HPS4: variants seen among roughly 807,000 people sequenced by gnomAD.
The protein encoded by HPS4 is BLOC-3 complex member HPS4.
A neutral mutation model predicts 70.3 loss-of-function variants in HPS4; 44 were observed. The observed-to-expected ratio is 0.63, with a 90% CI of 0.49 to 0.80. The LOEUF (loss-of-function observed/expected upper bound fraction) is 0.80. Ranked by LOEUF, HPS4 falls within the 30% of genes least tolerant of loss-of-function variation. The pLI, the probability that HPS4 is intolerant of heterozygous loss-of-function variation, is 0.00. For synonymous variants in HPS4, 377 were observed against 355.9 expected (o/e 1.06, Z -0.67); for missense variants, 873 against 884.4 (o/e 0.99, Z 0.16).
At chr22:26,459,550 G>A (rs1207339727) in intron 11 of HPS4, among the ~76,000 whole-genome samples, 1 of 152,168 alleles carries the variant, frequency 6.6e-6, no homozygotes, top group Non-Finnish European at 1.5e-5. Flanking sequence ...CAGTAGGCCA[G>A]GCCTGTCATA....
intron 3 of HPS4, among the ~76,000 whole-genome samples, chr22:26,478,677 A>G (rs986180958): frequency 2.6e-5 from 4 of 151,682 alleles, no homozygotes; most frequent in Non-Finnish European, 4.4e-5. Context: ...ATGTTTGAAT[A>G]CAAACTTATT....
intron 8 of HPS4, chr22:26,468,200 A>G: frequency 3.1e-6 from 1 of 327,788 alleles, no homozygotes. Flanking sequence ...ACCGTGCCCA[A>G]CCCCCTAAAT....
At chr22:26,472,580 G>A (rs373498273) in intron 5 of HPS4, among the ~76,000 whole-genome samples, 162 bp from the exon 6 acceptor site, 2 of 152,242 alleles carry the variant, frequency 1.3e-5, no homozygotes, top group South Asian at 2.1e-4. Flanking sequence ...CGCCTGCCGC[G>A]TGGGGGTGGC....
At chr22:26,444,200 GT>G, downstream of HPS4, 1 of 151,442 alleles carries the variant, frequency 6.6e-6, no homozygotes. Context: ...CAAAGTTTCT[GT>G]TTTGCTTTGG....
At chr22:26,475,828 G>C (rs1602063714) in intron 4 of HPS4, 1 of 152,232 alleles carries the variant, frequency 6.6e-6, no homozygotes, top group South Asian at 2.1e-4. Context: ...GATTCCTTGA[G>C]CTGAGGAGTT....
chr22:26,477,338 G>A (rs1394201685), intron 3 of HPS4, among the ~76,000 whole-genome samples: 1 of 152,142 alleles, frequency 6.6e-6, no homozygotes, highest in Non-Finnish European at 1.5e-5. Flanking sequence ...GCCTTGCAAA[G>A]CCTAAAATAT....
intron 9 of HPS4, chr22:26,465,841 G>A: frequency 7.3e-6 from 4 of 550,714 alleles, no homozygotes; most frequent in Non-Finnish European, 1.3e-5. Flanking sequence ...CTAAGAAAGG[G>A]ATCTGCTCCA....
chr22:26,472,447 T>G (rs762920045), intron 5 of HPS4, 29 bp from the exon 6 acceptor site: 1 of 1,368,326 alleles, frequency 7.3e-7, no homozygotes, highest in South Asian at 1.2e-5. Flanking sequence ...CAGGTCAATA[T>G]CTGAGATTTT....
At chr22:26,472,564 C>A (rs896042035) in intron 5 of HPS4, 146 bp from the exon 6 acceptor site, 8 of 753,910 alleles carry the variant, frequency 1.1e-5, no homozygotes, top group African/African-American at 1.0e-4. Context: ...CATCACAGAT[C>A]CACGGCGCCT....
Position 26,465,488 on chromosome 22 carries a change from C to T in HPS4, c.770G>A (p.Ser257Asn), listed in dbSNP as rs766017410. The T allele has an allele frequency of 6.2e-7, 1 of 1,614,080 alleles. No individual in the cohort carries two copies. Among genetic ancestry groups the T allele is most frequent in the Non-Finnish European group, 8.5e-7 (1 of 1,179,924 alleles). Residue 257 changes from serine to asparagine, a missense_variant, in exon 10 of 14, where the codon AGT becomes AAT. By Grantham distance (46) the Ser-to-Asn change is conservative. Transcript: ENST00000398145. ...CTGTTCCACCGGGAACTCGTGGAGA[C>T]TAATGGCTTCCTCTTTGGTCACAAA... The part of the protein sequence containing the change: ...PVFVTKEEAI[S>N]LHEFPVEQMT...
intron 6 of HPS4, 94 bp from the exon 7 acceptor site, chr22:26,470,907 G>C (rs541653779): frequency 1.3e-6 from 2 of 1,569,486 alleles, no homozygotes; most frequent in South Asian, 2.3e-5. Context: ...CAGCTGGACA[G>C]GGTGTAGCTC....
chr22:26,471,858 G>A (rs1185738659), intron 6 of HPS4, among the ~76,000 whole-genome samples: 2 of 152,298 alleles, frequency 1.3e-5, no homozygotes, highest in South Asian at 2.1e-4. Context: ...CAAACGGAGC[G>A]GCTCAGAGAT....
At chr22:26,480,915 C>G (rs5761556) in intron 2 of HPS4, among the ~76,000 whole-genome samples, 123,224 of 152,076 alleles carry the variant, frequency 0.81, 50,631 homozygotes, top group South Asian at 0.89. Context: ...AAGACCCTGT[C>G]TCAAAAACAA....
downstream of HPS4, among the ~76,000 whole-genome samples, chr22:26,446,599 T>A (rs1320867496): frequency 6.6e-6 from 1 of 151,684 alleles, no homozygotes; most frequent in Non-Finnish European, 1.5e-5. Flanking sequence ...GCTGAGGGGG[T>A]CGCTGCTGTG....
At chr22:26,456,922 A>G (rs1237079042) in intron 13 of HPS4, among the ~76,000 whole-genome samples, 1 of 152,210 alleles carries the variant, frequency 6.6e-6, no homozygotes, top group Non-Finnish European at 1.5e-5. Context: ...TACAATAATC[A>G]TAATATTTCT....
rs946697164 is a variant in HPS4, at chr22:26,453,113, A to T, written c.*120T>A. ...AAGGAATAACAAAAACTCAAATATC[A>T]TTTGGTTCCTAAAAAAGGGAATGTT... On this transcript the variant is annotated 3_prime_UTR_variant, in exon 14 of 14. Transcript: ENST00000398145. 1.5e-5 allele frequency: 16 copies of T among 1,092,622 alleles called. No homozygotes were observed. Among genetic ancestry groups the T allele is most frequent in the Admixed American group, 5.9e-5 (3 of 50,724 alleles). 67.7% of individuals were successfully genotyped at this position (1,092,622 alleles called of 1,614,324 possible).
chr22:26,454,505 G>C, intron 13 of HPS4, among the ~76,000 whole-genome samples: 1 of 152,202 alleles, frequency 6.6e-6, no homozygotes, highest in East Asian at 1.9e-4. Flanking sequence ...ATTGTGAGTG[G>C]TTAAGAAATG....
At chr22:26,462,955 TTC>T (rs1197810923) in intron 11 of HPS4, among the ~76,000 whole-genome samples, 1 of 152,160 alleles carries the variant, frequency 6.6e-6, no homozygotes, top group Admixed American at 6.5e-5. Context: ...GTCTTATCTC[TTC>T]TTCTGTATTT....
At chr22:26,463,772 T>C in intron 11 of HPS4, 145 bp downstream of exon 11, 1 of 850,056 alleles carries the variant, frequency 1.2e-6, no homozygotes, top group Non-Finnish European at 1.9e-6. Context: ...ACCTCCATCG[T>C]CTAAACAAGA....
Sources: allele counts gnomAD v4.1 joint callset (sites outside exome capture counted in the v4.1 genomes callset), GRCh38; gene constraint gnomAD v4.1.1; transcripts MANE v1.5; gene names NCBI Gene and HGNC (gene_info 2026-07-23, HGNC 2026-07-21).